KCNJ18: variants seen among roughly 807,000 people sequenced by gnomAD.
The protein encoded by KCNJ18 is inward rectifier potassium channel 18.
In KCNJ18, 16 loss-of-function variants were observed where a neutral mutation model predicts 17.3. The observed-to-expected ratio is 0.92, with a 90% CI of 0.62 to 1.40. KCNJ18 has a LOEUF of 1.40. Among genes scored for constraint, KCNJ18 ranks in the 40% most tolerant of loss-of-function variants. The pLI, the probability that KCNJ18 is intolerant of heterozygous loss-of-function variation, is 0.00. For missense variants in KCNJ18, 462 were observed against 626.8 expected, an observed-to-expected ratio of 0.74 and a Z score of 2.81; for synonymous variants, 185 against 262.6, an observed-to-expected ratio of 0.70 and a Z score of 2.86.
At chr17:21,692,800 C>A (rs1236278071) in intron 1 of KCNJ18, 86 bp downstream of exon 1, 5 of 152,586 alleles carry the variant, frequency 3.3e-5, no homozygotes, top group African/African-American at 7.2e-5. Flanking sequence ...GGGAGGGTGA[C>A]GGCTGCCACC....
At chr17:21,699,092 C>A (rs1371255060) in intron 2 of KCNJ18, among the ~76,000 whole-genome samples, 1 of 152,180 alleles carries the variant, frequency 6.6e-6, no homozygotes, top group African/African-American at 2.4e-5. Flanking sequence ...TGGGACAAGT[C>A]TCTTTTTCTT....
At chr17:21,693,300 A>C (rs1213156363) in intron 1 of KCNJ18, among the ~76,000 whole-genome samples, 2 of 152,258 alleles carry the variant, frequency 1.3e-5, no homozygotes, top group Admixed American at 1.3e-4. Flanking sequence ...CCCTGTGTAG[A>C]GTAGAGCTAA....
chr17:21,698,810 G>A (rs1905848028), intron 2 of KCNJ18, among the ~76,000 whole-genome samples: 1 of 152,244 alleles, frequency 6.6e-6, no homozygotes, highest in African/African-American at 2.4e-5. Flanking sequence ...TGCGTCTGTA[G>A]GCACTGTGGC....
rs1208185054 is a variant in KCNJ18, at chr17:21,704,133, G to A, written c.*45G>A. ...CAGCATCCACCCCTGGCCGGGGAGA[G>A]GCCCCGCGGTCGCTCAGGGGCCCTG... is the stretch of plus-strand genomic sequence containing the variant. On this transcript the variant is annotated 3_prime_UTR_variant, in exon 3 of 3. Coordinates refer to ENST00000567955, the MANE Select transcript of KCNJ18 (RefSeq NM_001194958.2). 27 of 1,483,758 alleles carry A rather than the reference G, an allele frequency of 1.8e-5. No individual in the cohort carries two copies. The highest frequency in any genetic ancestry group is 2.3e-5 in the Non-Finnish European group (26 of 1,117,708). 91.9% of individuals were successfully genotyped at this position (1,483,758 alleles called of 1,614,324 possible).
rs1597758437 is a variant in KCNJ18 at position 21,703,195 on chromosome 17, T to C, written c.409T>C (p.Ser137Pro). 2 of 1,609,634 alleles carry C rather than the reference T, an allele frequency of 1.2e-6. No homozygotes were observed. The highest frequency in any genetic ancestry group is 1.7e-6 in the Non-Finnish European group (2 of 1,178,874). Residue 137 changes from serine to proline, a missense_variant, in exon 3 of 3, where the codon TCC becomes CCC. Physicochemically the swap from Ser to Pro is moderately conservative, Grantham distance 74. This residue lies in a region of KCNJ18 where 237 missense variants were observed against 259.4 expected (regional missense o/e 0.91). Coordinates refer to ENST00000567955, the MANE Select transcript of KCNJ18 (RefSeq NM_001194958.2). ...VHGFMAAFLF[S>P]IETQTTIGYG... ...CGGCTTCATGGCGGCCTTCCTCTTC[T>C]CCATCGAGACGCAGACCACCATCGG...
chr17:21,702,238 G>A (rs1176248600), intron 2 of KCNJ18, among the ~76,000 whole-genome samples: 18 of 151,896 alleles, frequency 1.2e-4, no homozygotes, highest in Non-Finnish European at 2.2e-4. Context: ...GAGGCTGGGA[G>A]GTGAAGTCCG....
In KCNJ18 at chr17:21,702,731, G is replaced by A. The variant is rs1306297667; in HGVS notation, c.-56G>A. The A allele has an allele frequency of 5.2e-6, 8 of 1,530,432 alleles. No homozygotes were observed. The highest frequency in any genetic ancestry group is 6.1e-6 in the Non-Finnish European group (7 of 1,141,402). 94.8% of individuals were successfully genotyped at this position (1,530,432 alleles called of 1,614,324 possible). ...AGACATGCTGTCCTCTCTGTTCCAG[G>A]AGCCGCCCTGCCTGGAGCTAGCCTG... On this transcript the variant is annotated splice_region_variant and 5_prime_UTR_variant, in exon 3 of 3. Coordinates refer to ENST00000567955, the MANE Select transcript of KCNJ18 (RefSeq NM_001194958.2).
In KCNJ18 at chr17:21,700,022, C is replaced by T. The variant is rs1422807911; in HGVS notation, c.-56-2709C>T. Among the ~76,000 whole-genome samples, 17 of 152,406 alleles carry T rather than the reference C, an allele frequency of 1.1e-4. No homozygotes were observed. In the South Asian group the frequency reaches 1.7e-3, roughly 15 times the overall value. ...GCCTCACGCCGGCGTCTGAGTGCCC[C>T]GGCCCTGGCTGCCTCCTTCTGGAGG... On this transcript the variant is annotated intron_variant, in intron 2 of 2. Transcript: ENST00000567955.
At chr17:21,701,803 C>T (rs1905962077) in intron 2 of KCNJ18, among the ~76,000 whole-genome samples, 1 of 152,194 alleles carries the variant, frequency 6.6e-6, no homozygotes, top group African/African-American at 2.4e-5. Context: ...CCCAGCTGCT[C>T]AGGAAGCTGA....
intron 1 of KCNJ18, among the ~76,000 whole-genome samples, chr17:21,693,018 G>C (rs1183791811): frequency 2.0e-5 from 3 of 152,308 alleles, no homozygotes; most frequent in African/African-American, 7.2e-5. Context: ...CCTCCCCTGC[G>C]GGACGCTGTG....
rs1294490957 is a variant in KCNJ18 at position 21,703,978 on chromosome 17, G to A, written c.1192G>A (p.Gly398Ser). 16 of 1,602,126 alleles carry A rather than the reference G, an allele frequency of 1.0e-5. No individual in the cohort carries two copies. The highest frequency in any genetic ancestry group is 2.2e-5 in the East Asian group (1 of 44,752). Reference protein sequence around the residue: ...EEDEADGDQDGRSRDGLSPQA... With the variant: ...EEDEADGDQDSRSRDGLSPQA... ...GGATGAGGCGGACGGAGACCAGGACGGCCGAAGCCGGGATGGCCTCAGCCC... is the reference window on the plus strand; with the variant it reads ...GGATGAGGCGGACGGAGACCAGGACAGCCGAAGCCGGGATGGCCTCAGCCC... Residue 398 changes from glycine (G) to serine (S), a missense_variant, in exon 3 of 3, where the codon GGC (glycine) becomes AGC (serine). Physicochemically the swap from Gly to Ser is moderately conservative, Grantham distance 56. Transcript: ENST00000567955.
In KCNJ18 at chr17:21,702,841, G is replaced by A. The variant is rs2142272594; in HGVS notation, c.55G>A (p.Gly19Arg). 6.9e-6 allele frequency: 11 copies of A among 1,598,984 alleles called. No homozygotes were observed. Among genetic ancestry groups the A allele is most frequent in the East Asian group, 4.5e-5 (2 of 44,376 alleles). ...CAGCATCGTGTCATTGGAGGAGGAC[G>A]GGCTGCACCTGGTCACCATGTCGGG... ...PYSIVSLEED[G>R]LHLVTMSGAN... The change falls in exon 3 of 3, where the codon GGG becomes AGG. Residue 19 changes from glycine (G) to arginine (R), a missense_variant. This residue lies in a region of KCNJ18 where 237 missense variants were observed against 259.4 expected (regional missense o/e 0.91). Transcript: ENST00000567955.
At chr17:21,700,086 C>T (rs1905900623) in intron 2 of KCNJ18, among the ~76,000 whole-genome samples, 2 of 152,272 alleles carry the variant, frequency 1.3e-5, no homozygotes, top group Admixed American at 1.3e-4. Context: ...CCCAGCACAG[C>T]CTCAGGGGTC....
Position 21,704,041 on chromosome 17 carries a change from G to A in KCNJ18, c.1255G>A (p.Gly419Ser), listed in dbSNP as rs1409631865. The A allele has an allele frequency of 8.9e-6, 14 of 1,570,526 alleles. No individual in the cohort carries two copies. Among genetic ancestry groups the A allele is most frequent in the African/African-American group, 8.1e-5 (6 of 73,970 alleles). Reference sequence around the variant, plus strand: ...TGACTTTGACAGACTCCAGGCTGGCGGCGGGGTCCTGGAGCAGCGGCCCTA... The same window carrying A: ...TGACTTTGACAGACTCCAGGCTGGCAGCGGGGTCCTGGAGCAGCGGCCCTA... ...RHDFDRLQAG[G>S]GVLEQRPYRR... The change falls in exon 3 of 3, where the codon GGC becomes AGC. Residue 419 changes from glycine (G) to serine (S), a missense_variant. Around this residue, in one of 5 missense-constraint regions of KCNJ18, gnomAD observed 123 missense variants for 117.5 expected, o/e 1.05. Transcript: ENST00000567955.
At chr17:21,698,518 T>C (rs1905838511) in intron 2 of KCNJ18, among the ~76,000 whole-genome samples, 1 of 151,898 alleles carries the variant, frequency 6.6e-6, no homozygotes, top group South Asian at 2.1e-4. Flanking sequence ...TTACCCTGGG[T>C]GATGCAGGCG....
At position 21,703,170 on chromosome 17, in the gene KCNJ18, C is replaced by T. The variant is rs1411473602; in HGVS notation, c.384C>T (p.His128=). 34 of 1,609,850 alleles carry T rather than the reference C, an allele frequency of 2.1e-5. No homozygotes were observed. Among genetic ancestry groups the T allele is most frequent in the East Asian group, 1.3e-4 (6 of 44,724 alleles). ...GCACACCCTGTGTGATGCAGGTGCA[C>T]GGCTTCATGGCGGCCTTCCTCTTCT... is the stretch of plus-strand genomic sequence containing the variant. The part of the protein sequence containing the change: ...HGRTPCVMQV[H]GFMAAFLFSI... The change falls in exon 3 of 3, where the codon CAC becomes CAT. Residue 128 remains histidine (H), a synonymous_variant. Coordinates refer to ENST00000567955, the MANE Select transcript of KCNJ18 (RefSeq NM_001194958.2).
Position 21,703,300 on chromosome 17 carries a change from A to G in KCNJ18, c.514A>G (p.Ile172Val). The G allele has an allele frequency of 1.2e-6, 2 of 1,608,608 alleles. No homozygotes were observed. Among genetic ancestry groups the G allele is most frequent in the East Asian group, 2.2e-5 (1 of 44,722 alleles). Residue 172 changes from isoleucine (I) to valine (V), a missense_variant, in exon 3 of 3, where the codon ATC (isoleucine) becomes GTC (valine). Transcript: ENST00000567955. Reference protein sequence around the residue: ...VVAQSIVGCIIDSFMIGAIMA... With the variant: ...VVAQSIVGCIVDSFMIGAIMA... ...GGCCCAGTCCATCGTGGGCTGCATCATCGACTCCTTCATGATTGGTGCCAT... is the reference window on the plus strand; with the variant it reads ...GGCCCAGTCCATCGTGGGCTGCATCGTCGACTCCTTCATGATTGGTGCCAT...
rs1375049265 is a variant in KCNJ18 at position 21,702,997 on chromosome 17, A to G, written c.211A>G (p.Met71Val). The change falls in exon 3 of 3, where the codon ATG becomes GTG. Residue 71 changes from methionine (M) to valine (V), a missense_variant. By Grantham distance (21) the Met-to-Val change is conservative. Around this residue, in one of 5 missense-constraint regions of KCNJ18, gnomAD observed 237 missense variants for 259.4 expected, o/e 0.91. Transcript: ENST00000567955. ...GAAGTCACAGCGCTACCTGGCTGAC[A>G]TGTTCACCACCTGTGTGGACATCCG... is the stretch of plus-strand genomic sequence containing the variant. ...DEKSQRYLAD[M>V]FTTCVDIRWR... is the part of the protein sequence containing the mutation. 9.3e-6 allele frequency: 15 copies of G among 1,610,250 alleles called. No homozygotes were observed. In the Admixed American group the frequency reaches 1.0e-4, roughly 11 times the overall value.
intron 1 of KCNJ18, among the ~76,000 whole-genome samples, chr17:21,693,047 G>A (rs1185337038): frequency 4.6e-4 from 70 of 152,418 alleles, no homozygotes; most frequent in African/African-American, 1.7e-3. Flanking sequence ...CGGCCTGTTG[G>A]CCCTCAGTCG....
Sources: gnomAD v4.1 joint callset for allele counts (sites outside exome capture counted in the v4.1 genomes callset) on GRCh38, gnomAD v4.1.1 for gene constraint, gnomAD v4.1.1 regional missense constraint, MANE v1.5 for transcripts, NCBI Gene and HGNC (gene_info 2026-07-23, HGNC 2026-07-21) for gene names.